The following UNC5C variants were observed in gnomAD, a reference collection of about 807,000 sequenced individuals.
The protein encoded by UNC5C is unc-5 netrin receptor C.
A neutral mutation model predicts 99.8 loss-of-function variants in UNC5C; 47 were observed. The ratio of observed to expected loss-of-function variants is 0.47; its 90% CI spans 0.37 to 0.60. UNC5C has a LOEUF of 0.60. Ranked by LOEUF, UNC5C falls within the 20% of genes least tolerant of loss-of-function variation. The pLI is 0.00. For missense variants in UNC5C, 1,062 were observed against 1,165.9 expected (o/e 0.91, Z 1.30); for synonymous variants, 487 against 452.2 (o/e 1.08, Z -0.98).
chr4:95,218,945 G>A, intron 9 of UNC5C, 24 bp downstream of exon 9: 1 of 1,547,634 alleles, frequency 6.5e-7, no homozygotes, highest in Non-Finnish European at 8.7e-7. Context: ...CTGCCTCTTT[G>A]CAATTTAAAC....
At chr4:95,320,304 C>A (rs1366223710) in intron 2 of UNC5C, among the ~76,000 whole-genome samples, 1 of 151,536 alleles carries the variant, frequency 6.6e-6, no homozygotes. Context: ...CGCCTATAAT[C>A]CCAGCTACTG....
At chr4:95,234,877 G>A (rs1487058499) in intron 7 of UNC5C, among the ~76,000 whole-genome samples, 3 of 152,078 alleles carry the variant, frequency 2.0e-5, no homozygotes, top group Non-Finnish European at 2.9e-5. Context: ...TTAAGACCAC[G>A]ATTATATTTC....
chr4:95,214,572 C>T (rs1004113858), intron 10 of UNC5C, among the ~76,000 whole-genome samples: 1 of 152,234 alleles, frequency 6.6e-6, no homozygotes, highest in African/African-American at 2.4e-5. Flanking sequence ...CACGTGAGTG[C>T]ACACCTCTTT....
chr4:95,412,217 C>A (rs916517544), intron 1 of UNC5C, among the ~76,000 whole-genome samples: 1 of 152,094 alleles, frequency 6.6e-6, no homozygotes, highest in South Asian at 2.1e-4. Context: ...AATGTTCGTA[C>A]CTGTTTCTCC....
intron 4 of UNC5C, among the ~76,000 whole-genome samples, chr4:95,263,247 T>C (rs1227841878): frequency 6.6e-6 from 1 of 152,202 alleles, no homozygotes; most frequent in Non-Finnish European, 1.5e-5. Flanking sequence ...ATGTCAAATG[T>C]TTATAATATA....
chr4:95,201,664 G>C (rs1182659226), intron 12 of UNC5C, among the ~76,000 whole-genome samples: 1 of 151,634 alleles, frequency 6.6e-6, no homozygotes, highest in Admixed American at 6.6e-5. Context: ...AATGCAGTGA[G>C]GCGATTTCGG....
At chr4:95,201,674 G>A (rs551550157) in intron 12 of UNC5C, among the ~76,000 whole-genome samples, 42 of 151,878 alleles carry the variant, frequency 2.8e-4, no homozygotes, top group South Asian at 1.3e-3. Flanking sequence ...GGCGATTTCG[G>A]CTCACTGCAA....
intron 1 of UNC5C, among the ~76,000 whole-genome samples, chr4:95,454,725 A>T (rs1023123086): frequency 2.6e-5 from 4 of 152,116 alleles, no homozygotes; most frequent in African/African-American, 9.7e-5. Flanking sequence ...TTAACCTACC[A>T]GGTTCTTCAC....
chr4:95,401,115 C>T (rs868311280), intron 1 of UNC5C, among the ~76,000 whole-genome samples: 1 of 151,878 alleles, frequency 6.6e-6, no homozygotes, highest in Non-Finnish European at 1.5e-5. Flanking sequence ...TGAGATATAA[C>T]ATTTGAGGTA....
intron 1 of UNC5C, among the ~76,000 whole-genome samples, chr4:95,532,691 C>T (rs989367456): frequency 6.6e-6 from 1 of 152,136 alleles, no homozygotes; most frequent in Middle Eastern, 3.4e-3. Context: ...AGAGCTTAAG[C>T]GAAAGCTGAT....
intron 1 of UNC5C, among the ~76,000 whole-genome samples, chr4:95,513,452 C>A (rs914287652): frequency 1.3e-5 from 2 of 152,128 alleles, no homozygotes; most frequent in African/African-American, 4.8e-5. Flanking sequence ...ACATAAAGAT[C>A]TGTCAGCATT....
In UNC5C at chr4:95,548,827, G is replaced by A. The variant is rs745996659; in HGVS notation, c.31C>T (p.Arg11Cys). The A allele has an allele frequency of 1.2e-6, 2 of 1,613,396 alleles. No individual in the cohort carries two copies. The highest frequency in any genetic ancestry group is 1.7e-5 in the Admixed American group (1 of 60,026). Residue 11 changes from arginine to cysteine, a missense_variant, in exon 1 of 16, where the codon CGC becomes TGC. Transcript: ENST00000453304. Reference protein sequence around the residue: MRKGLRATAARCGLGLGYLLQ... With the variant: MRKGLRATAACCGLGLGYLLQ... ...AAGTATCCCAGTCCCAGTCCGCAGCGGGCCGCTGTCGCCCGCAGACCTTTC... is the reference window on the plus strand; with the variant it reads ...AAGTATCCCAGTCCCAGTCCGCAGCAGGCCGCTGTCGCCCGCAGACCTTTC...
chr4:95,241,736 A>T (rs1398147273), intron 7 of UNC5C, among the ~76,000 whole-genome samples: 1 of 152,190 alleles, frequency 6.6e-6, no homozygotes, highest in African/African-American at 2.4e-5. Flanking sequence ...CAGAGTTTGC[A>T]AGTATGAAAT....
At chr4:95,248,341 T>G (rs1739575284) in intron 5 of UNC5C, 1 of 276,964 alleles carries the variant, frequency 3.6e-6, no homozygotes, top group South Asian at 3.1e-5. Flanking sequence ...GCAGTTATAG[T>G]TGAATGCTTA....
chr4:95,391,687 T>C (rs1745362933), intron 1 of UNC5C, among the ~76,000 whole-genome samples: 1 of 150,856 alleles, frequency 6.6e-6, no homozygotes, highest in Admixed American at 6.6e-5. Context: ...ATTTTAATGA[T>C]GACCAATCCC....
chr4:95,210,591 T>C (rs1738043412), intron 10 of UNC5C, among the ~76,000 whole-genome samples: 1 of 152,224 alleles, frequency 6.6e-6, no homozygotes, highest in African/African-American at 2.4e-5. Context: ...CTGTAAATAT[T>C]AATTGCAGAT....
At chr4:95,461,872 C>T (rs149504420) in intron 1 of UNC5C, among the ~76,000 whole-genome samples, 1 of 152,300 alleles carries the variant, frequency 6.6e-6, no homozygotes, top group East Asian at 1.9e-4. Flanking sequence ...CCAAGATATT[C>T]TTTCATATGT....
chr4:95,291,765 T>C (rs900478895), intron 3 of UNC5C, among the ~76,000 whole-genome samples: 4 of 152,220 alleles, frequency 2.6e-5, no homozygotes, highest in African/African-American at 9.6e-5. Flanking sequence ...AATTAATTTA[T>C]TGTTTAAATA....
intron 2 of UNC5C, among the ~76,000 whole-genome samples, chr4:95,312,088 A>C (rs916653711): frequency 4.6e-5 from 7 of 152,054 alleles, no homozygotes; most frequent in Middle Eastern, 3.4e-3. Flanking sequence ...AACAAAAAAC[A>C]AAAAAAACCC....
Sources: gnomAD v4.1 joint callset for allele counts (sites outside exome capture counted in the v4.1 genomes callset) on GRCh38, gnomAD v4.1.1 for gene constraint, MANE v1.5 for transcripts, NCBI Gene and HGNC (gene_info 2026-07-23, HGNC 2026-07-21) for gene names.